The following KIF13B variants were observed in gnomAD, a reference collection of about 807,000 sequenced individuals.
KIF13B encodes kinesin-like protein KIF13B.
KIF13B carries 127 observed loss-of-function variants against 222.0 expected under a neutral mutation model. That is an observed-to-expected ratio of 0.57 (90% CI 0.50 to 0.66). The LOEUF (loss-of-function observed/expected upper bound fraction) is 0.66. KIF13B is among the 30% of genes least tolerant of loss of function. KIF13B has a pLI of 0.00. For synonymous variants in KIF13B, 976 were observed against 919.0 expected, an observed-to-expected ratio of 1.06 and a Z score of -1.12; for missense variants, 2,173 against 2,379.0, an observed-to-expected ratio of 0.91 and a Z score of 1.80.
chr8:29,123,409 C>A lies in KIF13B; in HGVS notation c.3436G>T (p.Val1146Phe), dbSNP rs1215634040. The A allele has an allele frequency of 5.6e-6, 9 of 1,614,054 alleles. No homozygotes were observed. The highest frequency in any genetic ancestry group is 6.8e-6 in the Non-Finnish European group (8 of 1,179,900). ...TLTEERNAVM[V>F]PSAGSGIPGA... is the part of the protein sequence containing the mutation. ...GGAATACCACTGCCAGCAGAGGGGA[C>A]CATCACCGCGTTCCTCTCCTCAGTT... The change falls in exon 28 of 40, where the codon GTC (valine) becomes TTC (phenylalanine). Residue 1146 changes from valine to phenylalanine, a missense_variant. Val to Phe is a conservative substitution (Grantham distance 50). This residue lies in a region of KIF13B where 1,480 missense variants were observed against 1,722.8 expected (regional missense o/e 0.86). Transcript: ENST00000524189.
chr8:29,097,868 T>G (rs1387337846), intron 36 of KIF13B, among the ~76,000 whole-genome samples: 3 of 152,066 alleles, frequency 2.0e-5, no homozygotes, highest in Non-Finnish European at 2.9e-5. Flanking sequence ...ATCCTATAAG[T>G]ATTTAAAAAA....
chr8:29,116,953 T>C lies in KIF13B; in HGVS notation c.3715A>G (p.Arg1239Gly). The change falls in exon 31 of 40, where the codon AGG (arginine) becomes GGG (glycine). Residue 1239 changes from arginine to glycine, a missense_variant. Coordinates refer to ENST00000524189, the MANE Select transcript of KIF13B (RefSeq NM_015254.4). The part of the protein sequence containing the change: ...SAVHGCPQLS[R>G]GTPVDERLFL... ...AACCGCTCGTCCACGGGCGTGCCCC[T>C]GCTGAGCTGAGGGCAGCCATGCACC... is the stretch of plus-strand genomic sequence containing the variant. 2 of 1,611,526 alleles carry C rather than the reference T, an allele frequency of 1.2e-6. No individual in the cohort carries two copies. Among genetic ancestry groups the C allele is most frequent in the African/African-American group, 1.3e-5 (1 of 75,000 alleles).
chr8:29,132,207 C>CT (rs1304803610), intron 23 of KIF13B, 101 bp downstream of exon 23: 4 of 883,882 alleles, frequency 4.5e-6, no homozygotes, highest in Non-Finnish European at 3.1e-6. Context: ...GATCGTGCCA[C>CT]TGCACTCCAG....
intron 14 of KIF13B, among the ~76,000 whole-genome samples, chr8:29,150,672 T>C (rs1028385778): frequency 6.6e-6 from 1 of 152,208 alleles, no homozygotes; most frequent in African/African-American, 2.4e-5. Context: ...CTACAGGAGA[T>C]ACTTTTCAAA....
At chr8:29,146,893 C>T (rs866499949) in intron 17 of KIF13B, among the ~76,000 whole-genome samples, 6 of 152,198 alleles carry the variant, frequency 3.9e-5, no homozygotes, top group South Asian at 2.1e-4. Flanking sequence ...AGGGAAGCTG[C>T]CTGCCTGCAG....
In KIF13B at chr8:29,070,403, C is replaced by T; in HGVS notation, c.*101G>A. Reference sequence around the variant, plus strand: ...GCAAAAAGCATTCATCGCCCTGCCCCTGGGGAAGGGGCCACCGGGCTCCTG... The same window carrying T: ...GCAAAAAGCATTCATCGCCCTGCCCTTGGGGAAGGGGCCACCGGGCTCCTG... On this transcript the variant is annotated 3_prime_UTR_variant, in exon 40 of 40. Transcript: ENST00000524189. This position sits in a 1 kb window ranked among gnomAD's most constrained non-coding sequence, Gnocchi z 4.1. 1 of 1,367,220 alleles carries T rather than the reference C, an allele frequency of 7.3e-7. No individual in the cohort carries two copies. The highest frequency in any genetic ancestry group is 1.3e-5 in the South Asian group (1 of 79,356). 84.7% of individuals were successfully genotyped at this position (1,367,220 alleles called of 1,614,324 possible).
rs79059608 is a variant in KIF13B, at chr8:29,113,052, C to T, written c.3930+411G>A. The stretch of plus-strand genomic sequence containing the variant: ...CACTTTGTGCAAAGATATTACTAAC[C>T]CCATTTGACAAGAAAAAAAAAATAT... On this transcript the variant is annotated intron_variant, in intron 32 of 39. Coordinates refer to ENST00000524189, the MANE Select transcript of KIF13B (RefSeq NM_015254.4). Among the ~76,000 whole-genome samples, 819 of 152,234 alleles carry T rather than the reference C, an allele frequency of 5.4e-3. 6 individuals carry two copies. The highest frequency in any genetic ancestry group is 0.018 in the African/African-American group (749 of 41,516).
chr8:29,222,538 TTTTTTTTTTTTTTTTTTG>T (rs2130535961), intron 2 of KIF13B, among the ~76,000 whole-genome samples: 1 of 111,610 alleles, frequency 9.0e-6, no homozygotes, highest in South Asian at 3.0e-4. Flanking sequence ...TTTTTTTTTT[TTTTTTTTTTTTTTTTTTG>T]TAGAGACAGG....
intron 1 of KIF13B, among the ~76,000 whole-genome samples, chr8:29,247,857 A>AG (rs1816100742): frequency 1.4e-5 from 2 of 144,738 alleles, no homozygotes; most frequent in African/African-American, 5.3e-5. Context: ...AAAAAAAAAA[A>AG]GACAAATAAT....
intron 3 of KIF13B, among the ~76,000 whole-genome samples, chr8:29,194,725 C>T (rs1437280835): frequency 6.6e-6 from 1 of 152,178 alleles, no homozygotes; most frequent in Non-Finnish European, 1.5e-5. Context: ...CAAGTAAACA[C>T]TGTAACAAAT....
In KIF13B at chr8:29,080,327, C is replaced by CAAAAAA. The variant is rs5890439; in HGVS notation, c.4459-4990_4459-4985dup. On this transcript the variant is annotated intron_variant, in intron 37 of 39. Transcript: ENST00000524189. Reference sequence around the variant, plus strand: ...TGGGTGACAGAGTGAGACCCAGTCTCAAAAAAAAAAAAAAAAAAAAAACCA... The same window carrying CAAAAAA: ...TGGGTGACAGAGTGAGACCCAGTCTCAAAAAAAAAAAAAAAAAAAAAAAAAAAACCA... Among the ~76,000 whole-genome samples the CAAAAAA allele has an allele frequency of 1.8e-4, 12 of 67,144 alleles. 1 individual carries two copies. In the South Asian group the frequency reaches 2.2e-3, roughly 12 times the overall value. 44.0% of individuals were successfully genotyped at this position (67,144 alleles called of 152,430 possible). A position where few individuals can be genotyped will look rare whatever the true frequency, so the allele number is the denominator to read the frequency against.
intron 13 of KIF13B, among the ~76,000 whole-genome samples, chr8:29,159,565 G>C (rs1466228221): frequency 1.3e-5 from 2 of 152,128 alleles, no homozygotes; most frequent in Non-Finnish European, 2.9e-5. Context: ...TTCTGTTTAC[G>C]AAGTACTTCT....
At chr8:29,164,319 T>C (rs191459764) in intron 12 of KIF13B, among the ~76,000 whole-genome samples, 90 of 152,310 alleles carry the variant, frequency 5.9e-4, no homozygotes, top group Non-Finnish European at 1.0e-3. Flanking sequence ...AAGTTCTATA[T>C]ATTCTCTAAT....
At position 29,256,660 on chromosome 8, in the gene KIF13B, A is replaced by G. The variant is rs1276170285; in HGVS notation, c.55+6320T>C. 3.3e-5 allele frequency among the ~76,000 whole-genome samples: 5 copies of G among 152,228 alleles called. No homozygotes were observed. In the East Asian group the frequency reaches 9.6e-4, roughly 29 times the overall value. On this transcript the variant is annotated intron_variant, in intron 1 of 39. Transcript: ENST00000524189. ...TAAAGATAATCATGTCCAACATTGTAGTAAAAGCACAGGTGGGTTTTGTAA... is the reference window on the plus strand; with the variant it reads ...TAAAGATAATCATGTCCAACATTGTGGTAAAAGCACAGGTGGGTTTTGTAA...
At chr8:29,132,550 A>C in intron 22 of KIF13B, 85 bp from the exon 23 acceptor site, 1 of 833,760 alleles carries the variant, frequency 1.2e-6, no homozygotes, top group Non-Finnish European at 1.7e-6. Flanking sequence ...ATACTTAATT[A>C]TATCAGGGAA....
chr8:29,113,035 G>A (rs551010950), intron 32 of KIF13B, among the ~76,000 whole-genome samples: 59 of 152,274 alleles, frequency 3.9e-4, no homozygotes, highest in Non-Finnish European at 6.6e-4. Flanking sequence ...AACACTTTGT[G>A]CAAAGATATT....
At chr8:29,178,216 C>T (rs1420605799) in intron 8 of KIF13B, among the ~76,000 whole-genome samples, 1 of 152,036 alleles carries the variant, frequency 6.6e-6, no homozygotes, top group Non-Finnish European at 1.5e-5. Context: ...TTATTGGAAA[C>T]TGTGTTTAAA....
At chr8:29,256,517 T>C (rs1357527366) in intron 1 of KIF13B, among the ~76,000 whole-genome samples, 1 of 152,228 alleles carries the variant, frequency 6.6e-6, no homozygotes, top group Non-Finnish European at 1.5e-5. Flanking sequence ...TGAACTCACA[T>C]GTGCATCTTA....
intron 2 of KIF13B, among the ~76,000 whole-genome samples, chr8:29,234,178 A>C (rs1815405248): frequency 6.6e-6 from 1 of 152,128 alleles, no homozygotes; most frequent in African/African-American, 2.4e-5. Flanking sequence ...TATACCCAAA[A>C]TAACTGAAAG....
Sources: allele counts gnomAD v4.1 joint callset (sites outside exome capture counted in the v4.1 genomes callset), GRCh38; gene constraint gnomAD v4.1.1; regional missense constraint gnomAD v4.1.1; non-coding constraint Gnocchi (gnomAD v3.1); transcripts MANE v1.5; gene names NCBI Gene and HGNC (gene_info 2026-07-23, HGNC 2026-07-21).